The following KLKB1 variants were observed in gnomAD, a reference collection of about 807,000 sequenced individuals.
KLKB1 encodes the protein plasma kallikrein.
A neutral mutation model predicts 73.6 loss-of-function variants in KLKB1; 58 were observed. The ratio of observed to expected loss-of-function variants is 0.79; its 90% CI spans 0.64 to 0.98. KLKB1 has a LOEUF of 0.98. Among genes scored for constraint, KLKB1 ranks in the 50% least tolerant of loss-of-function variants. KLKB1 has a pLI of 0.00. For synonymous variants in KLKB1, 280 were observed against 258.1 expected (o/e 1.08, Z -0.81); for missense variants, 737 against 763.8 (o/e 0.96, Z 0.41).
At chr4:186,214,041 G>A (rs1736820084) in intron 2 of KLKB1, among the ~76,000 whole-genome samples, 1 of 152,092 alleles carries the variant, frequency 6.6e-6, no homozygotes, top group Non-Finnish European at 1.5e-5. Flanking sequence ...TTTGTTGAGT[G>A]ACCCAAGCAA....
At chr4:186,217,081 A>G (rs1736922480) in intron 2 of KLKB1, among the ~76,000 whole-genome samples, 1 of 152,212 alleles carries the variant, frequency 6.6e-6, no homozygotes, top group Admixed American at 6.5e-5. Flanking sequence ...TTTTCAATTT[A>G]GTTCTGATTT....
chr4:186,247,587 TAAC>T (rs1246324615), intron 6 of KLKB1, among the ~76,000 whole-genome samples: 2 of 152,208 alleles, frequency 1.3e-5, no homozygotes, highest in African/African-American at 4.8e-5. Context: ...GCCTGACATT[TAAC>T]ATGGATAAAT....
chr4:186,243,419 G>C (rs1738160061), intron 6 of KLKB1, among the ~76,000 whole-genome samples: 1 of 152,114 alleles, frequency 6.6e-6, no homozygotes, highest in Admixed American at 6.6e-5. Flanking sequence ...AGTTTCAATG[G>C]GGGAGTAGAT....
chr4:186,219,957 C>T (rs997683362), intron 2 of KLKB1, among the ~76,000 whole-genome samples: 11 of 152,134 alleles, frequency 7.2e-5, no homozygotes, highest in African/African-American at 2.7e-4. Context: ...ACAGCCAACA[C>T]TGCAACTCCC....
At chr4:186,238,418 C>T (rs1737823858) in intron 6 of KLKB1, 53 bp downstream of exon 6, 1 of 1,219,994 alleles carries the variant, frequency 8.2e-7, no homozygotes, top group African/African-American at 1.5e-5. Flanking sequence ...ATAGGAGCCC[C>T]CAGAGACGTC....
At chr4:186,223,451 T>A (rs1439823036), upstream of KLKB1, among the ~76,000 whole-genome samples, 1 of 152,212 alleles carries the variant, frequency 6.6e-6, no homozygotes, top group African/African-American at 2.4e-5. Flanking sequence ...CAGGCTGAGA[T>A]GGTCTCAGAT....
At chr4:186,230,185 A>G (rs1277420690) in intron 2 of KLKB1, among the ~76,000 whole-genome samples, 1 of 152,168 alleles carries the variant, frequency 6.6e-6, no homozygotes, top group Non-Finnish European at 1.5e-5. Context: ...GCCACTTTGT[A>G]CTAGGTTTTC....
chr4:186,214,403 G>A (rs1736829665), intron 2 of KLKB1, among the ~76,000 whole-genome samples: 2 of 152,180 alleles, frequency 1.3e-5, no homozygotes, highest in African/African-American at 4.8e-5. Context: ...CAGGTCAGCC[G>A]AAGGATGAAG....
chr4:186,243,988 C>A (rs1738193167), intron 6 of KLKB1, among the ~76,000 whole-genome samples: 1 of 152,018 alleles, frequency 6.6e-6, no homozygotes, highest in Non-Finnish European at 1.5e-5. Flanking sequence ...CAGAGAGATA[C>A]AGTCATGGGG....
intron 2 of KLKB1, among the ~76,000 whole-genome samples, chr4:186,214,445 G>C (rs1227315679): frequency 6.6e-6 from 1 of 152,142 alleles, no homozygotes; most frequent in African/African-American, 2.4e-5. Context: ...TATGATCTTA[G>C]GTCTTCACCC....
intron 2 of KLKB1, among the ~76,000 whole-genome samples, chr4:186,228,573 A>T (rs1468155498): frequency 1.3e-5 from 2 of 152,220 alleles, no homozygotes; most frequent in East Asian, 3.8e-4. Context: ...CTCTATTTTT[A>T]TTATCAACAG....
intron 2 of KLKB1, among the ~76,000 whole-genome samples, chr4:186,228,684 A>G (rs1737259762): frequency 6.6e-6 from 1 of 152,214 alleles, no homozygotes; most frequent in Admixed American, 6.5e-5. Context: ...ACATAGTTTT[A>G]CTCTGGACCG....
intron 2 of KLKB1, chr4:186,212,537 AT>A (rs1157525076): frequency 6.6e-6 from 1 of 152,218 alleles, no homozygotes; most frequent in African/African-American, 2.4e-5. Flanking sequence ...TCTTCATAGA[AT>A]CACAATTACC....
Position 186,234,015 on chromosome 4 carries a change from A to C in KLKB1, c.285A>C (p.Ala95=). 2 of 1,614,074 alleles carry C rather than the reference A, an allele frequency of 1.2e-6. No homozygotes were observed. Among genetic ancestry groups the C allele is most frequent in the African/African-American group, 1.3e-5 (1 of 75,048 alleles). ...TGCCAAAAGTACATCGAACAGGTGC[A>C]GTTTCTGGACATTCCTTGAAGCAAT... ...GTLPKVHRTG[A]VSGHSLKQCG... The change falls in exon 4 of 15, where the codon GCA becomes GCC. Residue 95 remains alanine, a synonymous_variant. Transcript: ENST00000264690.
At chr4:186,241,908 C>G (rs973031885) in intron 6 of KLKB1, among the ~76,000 whole-genome samples, 2 of 152,110 alleles carry the variant, frequency 1.3e-5, no homozygotes, top group African/African-American at 4.8e-5. Flanking sequence ...AAAGTAAAAA[C>G]AATTTTAACA....
intron 4 of KLKB1, among the ~76,000 whole-genome samples, chr4:186,234,913 G>C (rs775200473): frequency 6.6e-6 from 1 of 152,184 alleles, no homozygotes; most frequent in African/African-American, 2.4e-5. Flanking sequence ...GTTATTCTAT[G>C]TATGACTATA....
chr4:186,257,643 A>C (rs1739074002), intron 14 of KLKB1, among the ~76,000 whole-genome samples: 2 of 149,156 alleles, frequency 1.3e-5, no homozygotes, highest in Non-Finnish European at 3.0e-5. Flanking sequence ...CATCATTGGG[A>C]TGATGATATC....
intron 2 of KLKB1, 139 bp from the exon 3 acceptor site, chr4:186,231,988 T>C: frequency 1.6e-6 from 1 of 614,742 alleles, no homozygotes; most frequent in South Asian, 3.0e-5. Context: ...TAATATATTT[T>C]ATTTTCTCAG....
At chr4:186,250,520 A>G in intron 7 of KLKB1, 118 bp downstream of exon 7, 1 of 1,186,418 alleles carries the variant, frequency 8.4e-7, no homozygotes, top group Middle Eastern at 2.1e-4. Context: ...TTCCCTCAAA[A>G]CACTTGAACC....
Sources: gnomAD v4.1 joint callset for allele counts (sites outside exome capture counted in the v4.1 genomes callset) on GRCh38, gnomAD v4.1.1 for gene constraint, MANE v1.5 for transcripts, NCBI Gene and HGNC (gene_info 2026-07-23, HGNC 2026-07-21) for gene names.